The following TRAF3 variants were observed in gnomAD, a reference collection of about 807,000 sequenced individuals.
The protein encoded by TRAF3 is TNF receptor associated factor 3, also known as TNF receptor-associated factor 3.
Under a neutral mutation model 62.3 loss-of-function variants are expected in TRAF3, and 13 were observed. The ratio of observed to expected loss-of-function variants is 0.21; its 90% CI spans 0.14 to 0.33. TRAF3 has a LOEUF of 0.33. Ranked by LOEUF, TRAF3 falls within the 10% of genes least tolerant of loss-of-function variation. The pLI is 1.00. For synonymous variants in TRAF3, 269 were observed against 283.4 expected, an observed-to-expected ratio of 0.95 and a Z score of 0.51; for missense variants, 440 against 741.8, an observed-to-expected ratio of 0.59 and a Z score of 4.73.
intron 2 of TRAF3, among the ~76,000 whole-genome samples, chr14:102,850,349 G>A (rs1232893165): frequency 2.6e-5 from 4 of 152,106 alleles, no homozygotes; most frequent in Admixed American, 6.5e-5. Flanking sequence ...TAAGACTGTA[G>A]CAAACAGTAA....
intron 1 of TRAF3, among the ~76,000 whole-genome samples, chr14:102,801,510 A>T (rs966089489): frequency 5.9e-5 from 9 of 151,984 alleles, no homozygotes; most frequent in Non-Finnish European, 1.0e-4. Context: ...CTTGGCAGTT[A>T]GCAGGCACCC....
intron 7 of TRAF3, among the ~76,000 whole-genome samples, chr14:102,887,711 C>G (rs1038181195): frequency 2.0e-5 from 3 of 152,054 alleles, no homozygotes; most frequent in African/African-American, 7.2e-5. Context: ...TCTCCTGCCT[C>G]AGCCTCCCGA....
intron 5 of TRAF3, 125 bp downstream of exon 5, chr14:102,875,853 C>A (rs1384090329): frequency 1.2e-6 from 1 of 825,038 alleles, no homozygotes; most frequent in Non-Finnish European, 2.0e-6. Flanking sequence ...TTTCAAAACA[C>A]AGCCAAATAG....
At chr14:102,850,781 A>G (rs997903482) in intron 2 of TRAF3, among the ~76,000 whole-genome samples, 2 of 151,466 alleles carry the variant, frequency 1.3e-5, no homozygotes, top group African/African-American at 4.9e-5. Context: ...CCTTAGCTCA[A>G]AGTGCACTGG....
chr14:102,845,763 G>A (rs1236744526), intron 2 of TRAF3, among the ~76,000 whole-genome samples: 3 of 151,432 alleles, frequency 2.0e-5, no homozygotes, highest in East Asian at 2.0e-4. Flanking sequence ...TGATCTGCCC[G>A]CCTCGGCCTC....
In TRAF3 at chr14:102,905,428, G is replaced by A; in HGVS notation, c.1351G>A (p.Gly451Ser). Residue 451 changes from glycine to serine, a missense_variant, in exon 12 of 12, where the codon GGC (glycine) becomes AGC (serine). By Grantham distance (56) the Gly-to-Ser change is moderately conservative (BLOSUM62 0). Transcript: ENST00000392745. ...CCAGCCTTTCTACACTGGTTACTTT[G>A]GCTATAAGATGTGTGCCAGGGTCTA... The part of the protein sequence containing the change: ...YSQPFYTGYF[G>S]YKMCARVYLN... 1.2e-6 allele frequency: 2 copies of A among 1,614,256 alleles called. No homozygotes were observed. Among genetic ancestry groups the A allele is most frequent in the Non-Finnish European group, 8.5e-7 (1 of 1,180,052 alleles).
At chr14:102,796,769 A>C (rs1456104746) in intron 1 of TRAF3, among the ~76,000 whole-genome samples, 1 of 152,192 alleles carries the variant, frequency 6.6e-6, no homozygotes, top group East Asian at 1.9e-4. Flanking sequence ...TCTGGTCTGC[A>C]TGGTCTGAAG....
intron 1 of TRAF3, among the ~76,000 whole-genome samples, chr14:102,788,029 T>C (rs1897594557): frequency 6.6e-6 from 1 of 151,550 alleles, no homozygotes; most frequent in African/African-American, 2.4e-5. Flanking sequence ...TTTTTGTATT[T>C]TTTTAGTAGA....
chr14:102,849,179 T>A (rs1343207474), intron 2 of TRAF3, among the ~76,000 whole-genome samples: 1 of 152,244 alleles, frequency 6.6e-6, no homozygotes, highest in African/African-American at 2.4e-5. Flanking sequence ...ATGGCCATGT[T>A]TTATGCTTTT....
Position 102,907,174 on chromosome 14 carries a change from T to C in TRAF3, c.*1390T>C, listed in dbSNP as rs1205708786. The stretch of plus-strand genomic sequence containing the variant: ...CTGGTCCCACCCTGAGGGAGGCAGG[T>C]GTGGAACAGAAGCCGAGCCTCTCCG... On this transcript the variant is annotated 3_prime_UTR_variant, in exon 12 of 12. Coordinates refer to ENST00000392745, the MANE Select transcript of TRAF3 (RefSeq NM_145725.3). 6.6e-6 allele frequency: 1 copy of C among 152,028 alleles called. No individual in the cohort carries two copies. The highest frequency in any genetic ancestry group is 1.5e-5 in the Non-Finnish European group (1 of 68,014). The allele number at this position is 152,028 out of a possible 1,614,324, so 9.4% of individuals were successfully genotyped here.
At chr14:102,856,546 G>A (rs1887383484) in intron 2 of TRAF3, among the ~76,000 whole-genome samples, 1 of 152,146 alleles carries the variant, frequency 6.6e-6, no homozygotes, top group South Asian at 2.1e-4. Flanking sequence ...CTTCTTTACT[G>A]CAGCCTGTTT....
chr14:102,875,478 T>A, intron 4 of TRAF3, 146 bp from the exon 5 acceptor site: 2 of 639,722 alleles, frequency 3.1e-6, no homozygotes, highest in Non-Finnish European at 5.4e-6. Context: ...CTTCTAGAAA[T>A]CAAGATGGTC....
intron 4 of TRAF3, among the ~76,000 whole-genome samples, chr14:102,875,171 G>C (rs1178517371): frequency 6.6e-6 from 1 of 152,070 alleles, no homozygotes; most frequent in South Asian, 2.1e-4. Context: ...TCCAGCAAGC[G>C]ATCTATACAA....
intron 2 of TRAF3, among the ~76,000 whole-genome samples, chr14:102,862,348 A>G (rs899704186): frequency 6.6e-6 from 1 of 150,476 alleles, no homozygotes; most frequent in Non-Finnish European, 1.5e-5. Context: ...GCCGTGAGCT[A>G]TGATTGCACC....
intron 1 of TRAF3, among the ~76,000 whole-genome samples, chr14:102,807,532 G>T (rs1898848228): frequency 2.0e-5 from 3 of 152,230 alleles, no homozygotes; most frequent in Admixed American, 2.0e-4. Context: ...GCCTCAAGCA[G>T]TCCTCTTGCT....
chr14:102,816,870 T>G (rs1899560938), intron 1 of TRAF3, among the ~76,000 whole-genome samples: 1 of 152,226 alleles, frequency 6.6e-6, no homozygotes, highest in Non-Finnish European at 1.5e-5. Context: ...GCTGCACTTC[T>G]GAATCTAGCG....
Position 102,854,120 on chromosome 14 carries a change from A to AT in TRAF3, c.-17-16056dup, listed in dbSNP as rs201645410. ...CATGTTGTAGCATATATAGTACCTC[A>AT]TTTTTTTTTATGCCTAAGTAAGAGT... On this transcript the variant is annotated intron_variant, in intron 2 of 11. Transcript: ENST00000392745. 4.3e-3 allele frequency among the ~76,000 whole-genome samples: 651 copies of AT among 151,368 alleles called. 6 individuals carry two copies. The highest frequency in any genetic ancestry group is 0.015 in the African/African-American group (619 of 41,296).
intron 9 of TRAF3, among the ~76,000 whole-genome samples, chr14:102,895,417 C>G (rs1889951506): frequency 6.6e-6 from 1 of 152,246 alleles, no homozygotes; most frequent in Admixed American, 6.5e-5. Context: ...AAAGGACACC[C>G]ATCTTTAGGC....
At chr14:102,778,729 G>A (rs1262417283) in intron 1 of TRAF3, among the ~76,000 whole-genome samples, 1 of 152,004 alleles carries the variant, frequency 6.6e-6, no homozygotes, top group Non-Finnish European at 1.5e-5. Context: ...TTTTTTCCTA[G>A]CATTTGCTGC....
Sources: gnomAD v4.1 joint callset for allele counts (sites outside exome capture counted in the v4.1 genomes callset) on GRCh38, gnomAD v4.1.1 for gene constraint, MANE v1.5 for transcripts, NCBI Gene and HGNC (gene_info 2026-07-23, HGNC 2026-07-21) for gene names.